The following RNASEH2B variants were observed in gnomAD, a reference collection of about 807,000 sequenced individuals.
The protein encoded by RNASEH2B is ribonuclease H2 subunit B.
In RNASEH2B, 36 loss-of-function variants were observed where a neutral mutation model predicts 45.0. The ratio of observed to expected loss-of-function variants is 0.80; its 90% CI spans 0.61 to 1.06. RNASEH2B has a LOEUF of 1.06. Among genes scored for constraint, RNASEH2B ranks in the 50% least tolerant of loss-of-function variants. The pLI is 0.00. For synonymous variants in RNASEH2B, 119 were observed against 125.7 expected, an observed-to-expected ratio of 0.95 and a Z score of 0.35; for missense variants, 361 against 360.3, an observed-to-expected ratio of 1.00 and a Z score of -0.02.
chr13:50,951,761 C>T (rs888991519), intron 9 of RNASEH2B: 1 of 152,104 alleles, frequency 6.6e-6, no homozygotes, highest in African/African-American at 2.4e-5. Context: ...GTAAATGCTT[C>T]AATCATCTTT....
At chr13:50,953,842 T>A in intron 9 of RNASEH2B, 63 bp from the exon 10 acceptor site, 1 of 1,137,012 alleles carries the variant, frequency 8.8e-7, no homozygotes, top group South Asian at 1.3e-5. Flanking sequence ...TGGGTTTTTT[T>A]TTAATGGATT....
downstream of RNASEH2B, among the ~76,000 whole-genome samples, chr13:50,960,340 T>C (rs1376791063): frequency 6.6e-6 from 1 of 152,128 alleles, no homozygotes; most frequent in African/African-American, 2.4e-5. Flanking sequence ...CCTCTTTTAT[T>C]ATATATTTTA....
chr13:50,958,705 G>C (rs1393490466), downstream of RNASEH2B, among the ~76,000 whole-genome samples: 2 of 152,026 alleles, frequency 1.3e-5, no homozygotes, highest in Non-Finnish European at 2.9e-5. Flanking sequence ...TCATAAATAT[G>C]TTTTTTAATG....
At chr13:50,970,158 G>A in exon 10 of RNASEH2B, 1 of 655,600 alleles carries the variant, frequency 1.5e-6, no homozygotes, top group Non-Finnish European at 2.7e-6. Flanking sequence ...ATTCCTCCCT[G>A]GAGCACTCAG....
At position 50,909,988 on chromosome 13, in the gene RNASEH2B, A is replaced by C. The variant is rs1335185020; in HGVS notation, c.-89A>C. The C allele has an allele frequency of 8.3e-7, 1 of 1,204,380 alleles. No individual in the cohort carries two copies. Among genetic ancestry groups the C allele is most frequent in the South Asian group, 1.4e-5 (1 of 70,074 alleles). The allele number at this position is 1,204,380 out of a possible 1,614,324, so 74.6% of individuals were successfully genotyped here. A position where few individuals can be genotyped will look rare whatever the true frequency, so the allele number is the denominator to read the frequency against. Reference sequence around the variant, plus strand: ...TCCCTCAGCGCGCCGCGCCACCCGGAACAGACCCTTCTCCCGCCATTTTCG... The same window carrying C: ...TCCCTCAGCGCGCCGCGCCACCCGGCACAGACCCTTCTCCCGCCATTTTCG... On this transcript the variant is annotated 5_prime_UTR_variant, in exon 1 of 11. Transcript: ENST00000336617.
At chr13:50,944,533 T>G (rs901479506) in intron 6 of RNASEH2B, among the ~76,000 whole-genome samples, 1 of 152,264 alleles carries the variant, frequency 6.6e-6, no homozygotes, top group South Asian at 2.1e-4. Context: ...GATGGGTTGA[T>G]GGGTGCAGCA....
At chr13:50,947,826 T>G (rs942261046) in intron 7 of RNASEH2B, among the ~76,000 whole-genome samples, 161 bp from the exon 8 acceptor site, 3 of 152,204 alleles carry the variant, frequency 2.0e-5, no homozygotes, top group Admixed American at 2.0e-4. Context: ...CGATAGATAT[T>G]ACTATCCCCA....
intron 1 of RNASEH2B, among the ~76,000 whole-genome samples, chr13:50,920,235 G>A (rs557713953): frequency 1.3e-5 from 2 of 152,276 alleles, no homozygotes; most frequent in East Asian, 3.9e-4. Context: ...AGTAGAGACA[G>A]GGTTTCACCA....
At chr13:50,930,190 C>T (rs570523792) in intron 3 of RNASEH2B, 2 of 224,006 alleles carry the variant, frequency 8.9e-6, no homozygotes, top group South Asian at 6.5e-5. Flanking sequence ...AAGAATCCTA[C>T]ATCCCCCTGC....
At chr13:50,915,113 C>T (rs1879665964) in intron 1 of RNASEH2B, among the ~76,000 whole-genome samples, 1 of 152,194 alleles carries the variant, frequency 6.6e-6, no homozygotes. Context: ...AGCTTTCTTA[C>T]ACCTCAAGCT....
chr13:50,953,543 A>G lies in RNASEH2B; in HGVS notation c.742-362A>G, dbSNP rs539886283. The G allele has an allele frequency of 4.0e-5, 11 of 274,002 alleles. No homozygotes were observed. The South Asian group carries it at 6.2e-4, about 16-fold the overall frequency. The allele number at this position is 274,002 out of a possible 1,614,324, so 17.0% of individuals were successfully genotyped here. On this transcript the variant is annotated intron_variant, in intron 9 of 10. Transcript: ENST00000336617. ...CTGGCTGGACACCTGGCCCCCTTCAAGAGACTATTCTCATTTTGACTTCTG... is the reference window on the plus strand; with the variant it reads ...CTGGCTGGACACCTGGCCCCCTTCAGGAGACTATTCTCATTTTGACTTCTG...
chr13:50,910,270 G>A, intron 1 of RNASEH2B, 130 bp downstream of exon 1: 2 of 572,922 alleles, frequency 3.5e-6, no homozygotes, highest in Non-Finnish European at 5.4e-6. Context: ...TTCTCTCTGG[G>A]ACAGCTGGCC....
chr13:50,963,770 A>AGTAT (rs1407406361), intron 9 of RNASEH2B, among the ~76,000 whole-genome samples: 3 of 152,256 alleles, frequency 2.0e-5, no homozygotes, highest in Non-Finnish European at 2.9e-5. Context: ...TGACCATACT[A>AGTAT]CAAAGATCAA....
At chr13:50,965,574 G>A (rs1413810163) in intron 9 of RNASEH2B, among the ~76,000 whole-genome samples, 1 of 152,230 alleles carries the variant, frequency 6.6e-6, no homozygotes, top group Non-Finnish European at 1.5e-5. Context: ...CAGTGTTGGA[G>A]TCCTTGACAG....
At chr13:50,948,877 A>G (rs1211346383) in intron 8 of RNASEH2B, 1 of 152,394 alleles carries the variant, frequency 6.6e-6, no homozygotes, top group East Asian at 1.9e-4. Flanking sequence ...GTGTGCTGAA[A>G]GCCTGCTTCA....
At chr13:50,927,527 G>T in intron 2 of RNASEH2B, 49 bp downstream of exon 2, 1 of 1,137,000 alleles carries the variant, frequency 8.8e-7, no homozygotes, top group South Asian at 1.2e-5. Context: ...TGTGGCTAAT[G>T]AGTATATACA....
In RNASEH2B at chr13:50,956,441, G is replaced by T. The variant is rs1187828596; in HGVS notation, c.906G>T (p.Gly302=). Residue 302 remains glycine, a synonymous_variant, in exon 11 of 11, where the codon GGG becomes GGT. Coordinates refer to ENST00000336617, the MANE Select transcript of RNASEH2B (RefSeq NM_024570.4). Reference sequence around the variant, plus strand: ...TGAAAAGTATTGATACCTTTTTTGGGGTAAAAAATAAAAAAAAAATTGGAA... The same window carrying T: ...TGAAAAGTATTGATACCTTTTTTGGTGTAAAAAATAAAAAAAAAATTGGAA... ...SGMKSIDTFF[G]VKNKKKIGKV is the part of the protein sequence containing the mutation. The T allele has an allele frequency of 6.3e-7, 1 of 1,596,838 alleles. No individual in the cohort carries two copies. Among genetic ancestry groups the T allele is most frequent in the Non-Finnish European group, 8.5e-7 (1 of 1,169,704 alleles).
intron 3 of RNASEH2B, 116 bp downstream of exon 3, chr13:50,929,698 C>T (rs1411188527): frequency 1.4e-6 from 1 of 721,528 alleles, no homozygotes. Flanking sequence ...CTGGTTTAGC[C>T]TTCCTTGGCA....
Position 50,956,738 on chromosome 13 carries a change from C to G in RNASEH2B, c.*264C>G, listed in dbSNP as rs1265994704. 4 of 1,194,842 alleles carry G rather than the reference C, an allele frequency of 3.3e-6. No individual in the cohort carries two copies. In the African/African-American group the frequency reaches 6.3e-5, roughly 19 times the overall value. 74.0% of individuals were successfully genotyped at this position (1,194,842 alleles called of 1,614,324 possible). The stretch of plus-strand genomic sequence containing the variant: ...AATTAACATATAGCATCATGATTTT[C>G]TCAATAAACTGATGTGTGACAATGT... On this transcript the variant is annotated 3_prime_UTR_variant, in exon 11 of 11. Coordinates refer to ENST00000336617, the MANE Select transcript of RNASEH2B (RefSeq NM_024570.4).
Sources: gnomAD v4.1 joint callset for allele counts (sites outside exome capture counted in the v4.1 genomes callset) on GRCh38, gnomAD v4.1.1 for gene constraint, MANE v1.5 for transcripts, NCBI Gene and HGNC (gene_info 2026-07-23, HGNC 2026-07-21) for gene names.